GHR: variants seen among roughly 807,000 people sequenced by gnomAD.
GHR encodes GH receptor.
A neutral mutation model predicts 67.1 loss-of-function variants in GHR; 35 were observed. The ratio of observed to expected loss-of-function variants is 0.52; its 90% CI spans 0.40 to 0.69. GHR has a LOEUF of 0.69. Among genes scored for constraint, GHR ranks in the 30% least tolerant of loss-of-function variants. The probability of loss-of-function intolerance (pLI) is 0.00; values close to 1 mark genes in which losing one functional copy is unlikely to be tolerated. For missense variants in GHR, 792 were observed against 764.6 expected, an observed-to-expected ratio of 1.04 and a Z score of -0.42; for synonymous variants, 272 against 269.1, an observed-to-expected ratio of 1.01 and a Z score of -0.10.
chr5:42,576,128 TAA>T (rs1211441630), intron 2 of GHR, among the ~76,000 whole-genome samples: 4 of 92,060 alleles, frequency 4.3e-5, no homozygotes, highest in African/African-American at 1.9e-4. Flanking sequence ...TAAAATAAAA[TAA>T]AATAAAATAA....
rs532130338 is a variant in GHR, at chr5:42,606,959, G to T, written c.71-22079G>T. Among the ~76,000 whole-genome samples, 31 of 152,228 alleles carry T rather than the reference G, an allele frequency of 2.0e-4. No individual in the cohort carries two copies. The South Asian group carries it at 6.0e-3, about 30-fold the overall frequency. ...TCTGCTTCCAGAGCTAGGTGAATTG[G>T]TGATTATGGTTTGGCTCTGTGTCCC... On this transcript the variant is annotated intron_variant, in intron 2 of 9. Transcript: ENST00000230882.
intron 2 of GHR, among the ~76,000 whole-genome samples, chr5:42,573,517 G>A (rs925527230): frequency 2.6e-5 from 4 of 151,922 alleles, no homozygotes; most frequent in Admixed American, 6.6e-5. Flanking sequence ...TAAGTGACCC[G>A]GTCACCCAGC....
intron 1 of GHR, among the ~76,000 whole-genome samples, chr5:42,470,687 G>A (rs1302077682): frequency 6.6e-6 from 1 of 152,088 alleles, no homozygotes; most frequent in East Asian, 1.9e-4. Flanking sequence ...GCAGCCCCTA[G>A]CCCTACACTG....
intron 1 of GHR, among the ~76,000 whole-genome samples, chr5:42,513,674 C>A (rs1392682505): frequency 1.3e-5 from 2 of 151,826 alleles, no homozygotes; most frequent in Non-Finnish European, 2.9e-5. Flanking sequence ...CCCAGCTACT[C>A]GGGATGCTGA....
chr5:42,710,273 T>G (rs1216058359), intron 6 of GHR, among the ~76,000 whole-genome samples: 1 of 152,146 alleles, frequency 6.6e-6, no homozygotes, highest in Non-Finnish European at 1.5e-5. Flanking sequence ...AGCTGCTGAC[T>G]TAATAAAACA....
chr5:42,483,494 T>TAA (rs145669021), intron 1 of GHR, among the ~76,000 whole-genome samples: 1 of 135,160 alleles, frequency 7.4e-6, no homozygotes, highest in Non-Finnish European at 1.6e-5. Flanking sequence ...TTGGACATGT[T>TAA]AAAAAAAAAA....
chr5:42,701,426 G>C (rs762984759), intron 6 of GHR, among the ~76,000 whole-genome samples: 1 of 152,156 alleles, frequency 6.6e-6, no homozygotes, highest in Non-Finnish European at 1.5e-5. Flanking sequence ...TGTCTGCTGC[G>C]TACTGAGGTA....
At chr5:42,614,409 A>T (rs2112685200) in intron 2 of GHR, among the ~76,000 whole-genome samples, 1 of 152,052 alleles carries the variant, frequency 6.6e-6, no homozygotes, top group South Asian at 2.1e-4. Context: ...GGCACACATG[A>T]ATCACCTGGG....
intron 2 of GHR, among the ~76,000 whole-genome samples, chr5:42,596,084 A>C (rs570413231): frequency 6.6e-6 from 1 of 152,232 alleles, no homozygotes. Flanking sequence ...GCTTATCCGC[A>C]TATGCAGGTG....
chr5:42,564,199 T>C (rs574411284), intron 1 of GHR, among the ~76,000 whole-genome samples: 1 of 125,806 alleles, frequency 7.9e-6, no homozygotes, highest in African/African-American at 3.4e-5. Flanking sequence ...TGAGATTTAT[T>C]TGAAATCTCA....
In GHR at chr5:42,718,996, G is replaced by A; in HGVS notation, c.1489G>A (p.Gly497Ser). The A allele has an allele frequency of 6.2e-7, 1 of 1,609,358 alleles. No homozygotes were observed. Among genetic ancestry groups the A allele is most frequent in the Non-Finnish European group, 8.5e-7 (1 of 1,176,832 alleles). Residue 497 changes from glycine (G) to serine (S), a missense_variant, in exon 10 of 10, where the codon GGT (glycine) becomes AGT (serine). Gly to Ser is a moderately conservative substitution (Grantham distance 56). Transcript: ENST00000230882. ...YAQVSDITPA[G>S]SVVLSPGQKN... is the part of the protein sequence containing the mutation. ...CCAGGTGAGCGACATTACACCAGCA[G>A]GTAGTGTGGTCCTTTCCCCGGGCCA...
At chr5:42,456,524 GA>G (rs1033697625) in intron 1 of GHR, among the ~76,000 whole-genome samples, 2 of 150,358 alleles carry the variant, frequency 1.3e-5, no homozygotes, top group East Asian at 3.9e-4. Context: ...TACCAACATA[GA>G]AAAAAAAAGG....
intron 1 of GHR, among the ~76,000 whole-genome samples, chr5:42,494,194 T>C (rs114634055): frequency 1.2e-3 from 187 of 152,234 alleles, no homozygotes; most frequent in African/African-American, 4.2e-3. Flanking sequence ...AGCTCCAAGA[T>C]TGGATTTTTA....
chr5:42,457,120 C>G (rs905815517), intron 1 of GHR, among the ~76,000 whole-genome samples: 1 of 152,126 alleles, frequency 6.6e-6, no homozygotes, highest in Non-Finnish European at 1.5e-5. Context: ...TTCTTCCCTT[C>G]GCTTCTCTGT....
chr5:42,565,765 G>T, intron 1 of GHR, 99 bp from the exon 2 acceptor site: 3 of 1,604,500 alleles, frequency 1.9e-6, no homozygotes, highest in Admixed American at 3.4e-5. Context: ...GAACTGACTC[G>T]TCAGCTCATT....
At chr5:42,509,714 G>A (rs1489478997) in intron 1 of GHR, among the ~76,000 whole-genome samples, 1 of 149,962 alleles carries the variant, frequency 6.7e-6, no homozygotes, top group African/African-American at 2.5e-5. Flanking sequence ...CTTAGGAAGT[G>A]CAGGCCTCAA....
At chr5:42,628,186 C>T (rs867897488) in intron 2 of GHR, among the ~76,000 whole-genome samples, 8 of 152,304 alleles carry the variant, frequency 5.3e-5, no homozygotes, top group Middle Eastern at 3.4e-3. Context: ...TGCTGGTCTG[C>T]TTCTGGAACC....
chr5:42,485,299 A>G (rs946608864), intron 1 of GHR, among the ~76,000 whole-genome samples: 1 of 152,080 alleles, frequency 6.6e-6, no homozygotes, highest in African/African-American at 2.4e-5. Flanking sequence ...GTCTAGCTCT[A>G]TTTCATCTTC....
chr5:42,592,811 A>G (rs143084091), intron 2 of GHR, among the ~76,000 whole-genome samples: 2,118 of 152,270 alleles, frequency 0.014, 21 homozygotes, highest in Middle Eastern at 0.034. Context: ...TATTTGAGAA[A>G]TCTTCATCCT....
Sources: gnomAD v4.1 joint callset for allele counts (sites outside exome capture counted in the v4.1 genomes callset) on GRCh38, gnomAD v4.1.1 for gene constraint, MANE v1.5 for transcripts, NCBI Gene and HGNC (gene_info 2026-07-23, HGNC 2026-07-21) for gene names.